SLC2A13: variants seen among roughly 807,000 people sequenced by gnomAD.
The protein encoded by SLC2A13 is solute carrier family 2 member 13, also known as proton myo-inositol cotransporter.
In SLC2A13, 32 loss-of-function variants were observed where a neutral mutation model predicts 64.4. The ratio of observed to expected loss-of-function variants is 0.50; its 90% confidence interval spans 0.37 to 0.67. SLC2A13 has a LOEUF of 0.67. Among genes scored for constraint, SLC2A13 ranks in the 30% least tolerant of loss-of-function variants. SLC2A13 has a pLI of 0.00. For missense variants in SLC2A13, 743 were observed against 829.2 expected, an observed-to-expected ratio of 0.90 and a Z score of 1.28; for synonymous variants, 338 against 327.1, an observed-to-expected ratio of 1.03 and a Z score of -0.36.
intron 7 of SLC2A13, among the ~76,000 whole-genome samples, chr12:39,773,744 T>C (rs1314553451): frequency 6.6e-6 from 1 of 152,236 alleles, no homozygotes; most frequent in Non-Finnish European, 1.5e-5. Context: ...AAAAGAAATA[T>C]GACCTGTGTA....
rs1939264582 is a variant in SLC2A13, at chr12:40,105,163, G to C, written c.556+90C>G. ...TTCTCTGACCCTGGGAGACCAGACG[G>C]GGACCCCGATGGGCAAGAGGCACGC... On this transcript the variant is annotated intron_variant, in intron 1 of 9. Transcript: ENST00000280871. The surrounding 1 kb of genome is among the most constrained non-coding windows in gnomAD (Gnocchi z 4.2). The C allele has an allele frequency of 7.0e-7, 1 of 1,422,294 alleles. No homozygotes were observed. The highest frequency in any genetic ancestry group is 1.5e-5 in the African/African-American group (1 of 66,504). 88.1% of individuals were successfully genotyped at this position (1,422,294 alleles called of 1,614,324 possible). A position where few individuals can be genotyped will look rare whatever the true frequency, so the allele number is the denominator to read the frequency against.
chr12:40,047,052 C>T (rs58812092), intron 2 of SLC2A13, among the ~76,000 whole-genome samples: 3,443 of 152,126 alleles, frequency 0.023, 137 homozygotes, highest in African/African-American at 0.078. Flanking sequence ...CAGGTGTGTG[C>T]CACCACACCT....
At chr12:40,029,840 T>C (rs1234895441) in intron 2 of SLC2A13, among the ~76,000 whole-genome samples, 3 of 152,180 alleles carry the variant, frequency 2.0e-5, no homozygotes, top group Non-Finnish European at 4.4e-5. Context: ...TGTCTTACGC[T>C]TTAGGCCATG....
chr12:39,922,363 T>C (rs939188139), intron 4 of SLC2A13, among the ~76,000 whole-genome samples: 1 of 152,190 alleles, frequency 6.6e-6, no homozygotes, highest in South Asian at 2.1e-4. Context: ...GGCCCAAGCC[T>C]AACCAATCAG....
At chr12:40,004,547 G>A (rs1947378823) in intron 3 of SLC2A13, among the ~76,000 whole-genome samples, 1 of 151,778 alleles carries the variant, frequency 6.6e-6, no homozygotes, top group African/African-American at 2.4e-5. Flanking sequence ...GCGTATCCTG[G>A]AATCAAGCCC....
Position 39,759,718 on chromosome 12 carries a change from A to G in SLC2A13, c.*308T>C. On this transcript the variant is annotated 3_prime_UTR_variant, in exon 10 of 10. Transcript: ENST00000280871. Reference sequence around the variant, plus strand: ...ACTAATAATTATAAATGGTCTTAGGAAAAAAGGATACCACTGAAGTCACTG... The same window carrying G: ...ACTAATAATTATAAATGGTCTTAGGGAAAAAGGATACCACTGAAGTCACTG... The G allele has an allele frequency of 3.8e-6, 1 of 260,000 alleles. No homozygotes were observed. Among genetic ancestry groups the G allele is most frequent in the Non-Finnish European group, 7.3e-6 (1 of 136,526 alleles). The allele number at this position is 260,000 out of a possible 1,614,324, so 16.1% of individuals were successfully genotyped here. A position where few individuals can be genotyped will look rare whatever the true frequency, so the allele number is the denominator to read the frequency against.
intron 7 of SLC2A13, among the ~76,000 whole-genome samples, chr12:39,792,238 A>G (rs1440416249): frequency 7.3e-6 from 1 of 136,782 alleles, no homozygotes; most frequent in Non-Finnish European, 1.6e-5. Flanking sequence ...GATGGATTAA[A>G]GATTTAAACG....
At chr12:40,097,279 A>G (rs1012072927) in intron 1 of SLC2A13, among the ~76,000 whole-genome samples, 2 of 152,196 alleles carry the variant, frequency 1.3e-5, no homozygotes, top group Non-Finnish European at 2.9e-5. Context: ...AGTAAAATCT[A>G]GTATTTTATT....
intron 7 of SLC2A13, among the ~76,000 whole-genome samples, chr12:39,774,372 T>C (rs1940695259): frequency 6.6e-6 from 1 of 152,214 alleles, no homozygotes; most frequent in Non-Finnish European, 1.5e-5. Context: ...GGCCCATTAC[T>C]TCTCAGATAC....
At chr12:39,778,875 G>GC (rs1940873188) in intron 7 of SLC2A13, among the ~76,000 whole-genome samples, 1 of 152,170 alleles carries the variant, frequency 6.6e-6, no homozygotes, top group African/African-American at 2.4e-5. Flanking sequence ...AGTTGGCAGG[G>GC]CTTCCAGGAA....
chr12:39,776,216 G>A (rs568984018), intron 7 of SLC2A13, among the ~76,000 whole-genome samples: 6 of 152,162 alleles, frequency 3.9e-5, no homozygotes, highest in South Asian at 2.1e-4. Flanking sequence ...TCCATTGTGC[G>A]GTTCCTTCAT....
intron 7 of SLC2A13, among the ~76,000 whole-genome samples, chr12:39,790,373 C>A (rs1941349947): frequency 8.8e-6 from 1 of 114,180 alleles, no homozygotes; most frequent in Middle Eastern, 5.2e-3. Context: ...CTCCCCCCTC[C>A]CCCCACCCCA....
chr12:39,887,150 AT>A (rs1323273222), intron 4 of SLC2A13, among the ~76,000 whole-genome samples: 2 of 152,146 alleles, frequency 1.3e-5, no homozygotes, highest in Non-Finnish European at 2.9e-5. Flanking sequence ...AACACTTTAA[AT>A]TTTTTTGCAA....
At chr12:39,984,734 C>A (rs1442485148) in intron 3 of SLC2A13, among the ~76,000 whole-genome samples, 1 of 152,038 alleles carries the variant, frequency 6.6e-6, no homozygotes, top group Non-Finnish European at 1.5e-5. Flanking sequence ...TTTTAAGAGG[C>A]TAATGTCCGT....
chr12:39,887,463 G>A (rs1944496615), intron 4 of SLC2A13, among the ~76,000 whole-genome samples: 2 of 152,178 alleles, frequency 1.3e-5, no homozygotes, highest in South Asian at 4.2e-4. Flanking sequence ...GGCTTACAGT[G>A]GAATGTAAAA....
intron 1 of SLC2A13, among the ~76,000 whole-genome samples, chr12:40,060,441 T>C (rs563258432): frequency 6.6e-6 from 1 of 152,306 alleles, no homozygotes; most frequent in East Asian, 1.9e-4. Flanking sequence ...TTCATACTTA[T>C]GGAAAGGGAT....
intron 1 of SLC2A13, among the ~76,000 whole-genome samples, chr12:40,079,315 T>C (rs1938302589): frequency 6.6e-6 from 1 of 152,242 alleles, no homozygotes; most frequent in African/African-American, 2.4e-5. Flanking sequence ...GTGAGTTGTA[T>C]CTGTTTCCAT....
chr12:39,838,760 T>A (rs187056899), intron 6 of SLC2A13, among the ~76,000 whole-genome samples: 139 of 152,208 alleles, frequency 9.1e-4, no homozygotes, highest in Admixed American at 5.6e-3. Flanking sequence ...GAAAATCTTT[T>A]AAAAATTGAT....
At chr12:39,932,090 G>A (rs749854235) in intron 4 of SLC2A13, among the ~76,000 whole-genome samples, 1 of 152,060 alleles carries the variant, frequency 6.6e-6, no homozygotes, top group Non-Finnish European at 1.5e-5. Context: ...TAAGGCTCTT[G>A]CAACACATTT....
Sources: allele counts gnomAD v4.1 joint callset (sites outside exome capture counted in the v4.1 genomes callset), GRCh38; gene constraint gnomAD v4.1.1; non-coding constraint Gnocchi (gnomAD v3.1); transcripts MANE v1.5; gene names NCBI Gene and HGNC (gene_info 2026-07-23, HGNC 2026-07-21).